Variants in PFKFB1 observed in about 807,000 individuals in gnomAD.
The protein encoded by PFKFB1 is 6-phosphofructo-2-kinase/fructose-2,6-bisphosphatase 1.
In PFKFB1, 34 loss-of-function variants were observed where a neutral mutation model predicts 46.4. That is an observed-to-expected ratio of 0.73 (90% CI 0.56 to 0.98). The LOEUF is 0.98. Among genes scored for constraint, PFKFB1 ranks in the 50% least tolerant of loss-of-function variants. The probability of loss-of-function intolerance (pLI) is 0.00; values close to 1 mark genes in which losing one functional copy is unlikely to be tolerated. For synonymous variants in PFKFB1, 119 were observed against 133.8 expected (o/e 0.89, Z 0.76); for missense variants, 393 against 376.3 (o/e 1.04, Z -0.37).
intron 1 of PFKFB1, among the ~76,000 whole-genome samples, chrX:54,987,203 AATAG>A (rs771006362): frequency 1.8e-5 from 2 of 111,535 alleles, no homozygotes; most frequent in Admixed American, 1.9e-4. Flanking sequence ...CCTTAGGTGA[AATAG>A]ATAAATTATT....
chrX:54,996,820 C>T (rs371310811), upstream of PFKFB1, among the ~76,000 whole-genome samples: 55 of 111,658 alleles, frequency 4.9e-4, no homozygotes, highest in South Asian at 0.019. Context: ...CATTTTCCTC[C>T]TTCTATTCCC....
At chrX:54,991,957 A>C (rs1056460002) in intron 1 of PFKFB1, among the ~76,000 whole-genome samples, 6 of 112,013 alleles carry the variant, frequency 5.4e-5, no homozygotes, top group South Asian at 3.7e-4. Flanking sequence ...GCTAGAGAGG[A>C]TGCTCCAAGA....
rs189033457 is a variant in PFKFB1, at chrX:54,940,902, G to C, written c.1099-3178C>G. On this transcript the variant is annotated intron_variant, in intron 10 of 13. Transcript: ENST00000375006. Reference sequence around the variant, plus strand: ...ATTGGAAAAAACTACTTTAAAGTTCGTATGGAACCAAAAAAGGGCCCGCAT... The same window carrying C: ...ATTGGAAAAAACTACTTTAAAGTTCCTATGGAACCAAAAAAGGGCCCGCAT... 2.2e-3 allele frequency among the ~76,000 whole-genome samples: 247 copies of C among 111,195 alleles called. 1 individual carries two copies. Among genetic ancestry groups the C allele is most frequent in the African/African-American group, 7.7e-3 (235 of 30,573 alleles).
At chrX:54,994,651 AG>A, upstream of PFKFB1, 2 of 752,173 alleles carry the variant, frequency 2.7e-6, no homozygotes, top group Middle Eastern at 1.5e-3. Context: ...TGGACATGGA[AG>A]GTCCACTACT....
intron 1 of PFKFB1, among the ~76,000 whole-genome samples, chrX:54,968,935 C>T (rs1031347869): frequency 4.5e-5 from 5 of 111,194 alleles, no homozygotes; most frequent in Non-Finnish European, 7.6e-5. Flanking sequence ...AAAGAAAACT[C>T]CAAGTCAATA....
chrX:54,964,648 A>G (rs1934423707), intron 1 of PFKFB1, among the ~76,000 whole-genome samples: 1 of 111,460 alleles, frequency 9.0e-6, no homozygotes, highest in African/African-American at 3.3e-5. Context: ...CCAAATAGCG[A>G]ACATAGTACT....
intron 1 of PFKFB1, among the ~76,000 whole-genome samples, chrX:54,971,247 AGATGAGTAG>A (rs1423721308): frequency 4.0e-5 from 3 of 75,286 alleles, no homozygotes; most frequent in Non-Finnish European, 7.5e-5. Context: ...GCCCTTTGTC[AGATGAGTAG>A]GTTGTGAAAA....
At chrX:54,963,169 G>T in intron 2 of PFKFB1, 88 bp downstream of exon 2, 1 of 860,846 alleles carries the variant, frequency 1.2e-6, no homozygotes, top group Non-Finnish European at 1.7e-6. Flanking sequence ...GGCATTTCTG[G>T]TATTGAGGAC....
At chrX:54,969,407 A>C (rs769823627) in intron 1 of PFKFB1, among the ~76,000 whole-genome samples, 5 of 111,729 alleles carry the variant, frequency 4.5e-5, no homozygotes, top group Non-Finnish European at 9.4e-5. Flanking sequence ...ATGATGCAGC[A>C]AGAAGGCCCT....
intron 6 of PFKFB1, 27 bp from the exon 7 acceptor site, chrX:54,956,301 A>G (rs1053557525): frequency 1.7e-6 from 2 of 1,208,969 alleles, no homozygotes; most frequent in African/African-American, 3.5e-5. Context: ...CAGAGGTATC[A>G]AGGGAGACAT....
chrX:54,950,802 C>T (rs1241424906), intron 8 of PFKFB1, among the ~76,000 whole-genome samples: 2 of 112,507 alleles, frequency 1.8e-5, no homozygotes, highest in East Asian at 5.7e-4. Context: ...AGGGAGACAC[C>T]AGGGTGTGGC....
chrX:54,949,161 T>G lies in PFKFB1; in HGVS notation c.907A>C (p.Thr303Pro), dbSNP rs1352931712. Residue 303 changes from threonine to proline, a missense_variant, in exon 9 of 14, where the codon ACC (threonine) becomes CCC (proline). By Grantham distance (38) the Thr-to-Pro change is conservative. Coordinates refer to ENST00000375006, the MANE Select transcript of PFKFB1 (RefSeq NM_002625.4). ...SQGISSLKVW[T>P]SHMKRTIQTA... Reference sequence around the variant, plus strand: ...TGGATGGTCCTCTTCATGTGACTGGTCCACACCTTCAGGGAGCTGATGCCC... The same window carrying G: ...TGGATGGTCCTCTTCATGTGACTGGGCCACACCTTCAGGGAGCTGATGCCC... 8.3e-7 allele frequency: 1 copy of G among 1,210,276 alleles called. No homozygotes were observed.
intron 1 of PFKFB1, among the ~76,000 whole-genome samples, chrX:54,969,196 G>A (rs1016617465): frequency 9.0e-6 from 1 of 111,695 alleles, no homozygotes; most frequent in Non-Finnish European, 1.9e-5. Context: ...GGACCTTTAA[G>A]AAGTGATTAG....
chrX:54,993,842 C>T, intron 1 of PFKFB1, 69 bp downstream of exon 1: 1 of 1,132,727 alleles, frequency 8.8e-7, no homozygotes, highest in East Asian at 3.3e-5. Flanking sequence ...AGGGGAGGTG[C>T]ATCCTTTGCT....
At chrX:54,980,889 C>A (rs1458264576) in intron 1 of PFKFB1, among the ~76,000 whole-genome samples, 1 of 111,256 alleles carries the variant, frequency 9.0e-6, no homozygotes, top group Admixed American at 9.6e-5. Flanking sequence ...AAGAAGGTAT[C>A]AACAGTATGT....
intron 6 of PFKFB1, among the ~76,000 whole-genome samples, chrX:54,957,035 A>G (rs1385188988): frequency 2.7e-5 from 3 of 111,658 alleles, no homozygotes; most frequent in African/African-American, 9.8e-5. Flanking sequence ...ATTTTGTCAT[A>G]CCTTTTAGAA....
intron 1 of PFKFB1, among the ~76,000 whole-genome samples, chrX:54,976,173 T>A (rs1439255647): frequency 8.9e-6 from 1 of 111,737 alleles, no homozygotes; most frequent in Admixed American, 9.5e-5. Flanking sequence ...AACATTTTTT[T>A]ATCTGTGAAA....
At chrX:54,979,478 G>A (rs1934918087) in intron 1 of PFKFB1, among the ~76,000 whole-genome samples, 2 of 111,579 alleles carry the variant, frequency 1.8e-5, no homozygotes, top group South Asian at 7.4e-4. Flanking sequence ...TTTGTAAAGA[G>A]TCCTTCCAAA....
intron 11 of PFKFB1, among the ~76,000 whole-genome samples, chrX:54,936,285 G>A (rs1374181326): frequency 1.9e-5 from 2 of 107,659 alleles, no homozygotes; most frequent in Non-Finnish European, 3.8e-5. Context: ...GTACTCTGAG[G>A]GTGCCCCAGC....
Sources: allele counts gnomAD v4.1 joint callset (sites outside exome capture counted in the v4.1 genomes callset), GRCh38; gene constraint gnomAD v4.1.1; transcripts MANE v1.5; gene names NCBI Gene and HGNC (gene_info 2026-07-23, HGNC 2026-07-21).